The following SUGCT variants were observed in gnomAD, a reference collection of about 807,000 sequenced individuals.
The protein encoded by SUGCT is succinyl-CoA:glutarate CoA-transferase.
Under a neutral mutation model 55.0 loss-of-function variants are expected in SUGCT, and 41 were observed. The ratio of observed to expected loss-of-function variants is 0.74; its 90% CI spans 0.58 to 0.97. The LOEUF (loss-of-function observed/expected upper bound fraction) is 0.97. SUGCT is among the 50% of genes least tolerant of loss of function. The pLI, the probability that SUGCT is intolerant of heterozygous loss-of-function variation, is 0.00. For synonymous variants in SUGCT, 187 were observed against 200.4 expected, an observed-to-expected ratio of 0.93 and a Z score of 0.56; for missense variants, 568 against 547.8, an observed-to-expected ratio of 1.04 and a Z score of -0.37.
chr7:40,189,633 T>C, intron 5 of SUGCT, 39 bp downstream of exon 5: 1 of 1,186,182 alleles, frequency 8.4e-7, no homozygotes, highest in East Asian at 2.9e-5. Flanking sequence ...ACCACCTAGG[T>C]TATAATTAGG....
At chr7:40,691,742 C>G (rs1317402221) in intron 12 of SUGCT, among the ~76,000 whole-genome samples, 2 of 152,164 alleles carry the variant, frequency 1.3e-5, no homozygotes, top group Admixed American at 1.3e-4. Context: ...CTTGGATGAA[C>G]TCACCTAAAA....
chr7:40,139,188 CATA>C (rs1787859882), intron 1 of SUGCT, among the ~76,000 whole-genome samples: 1 of 150,162 alleles, frequency 6.7e-6, no homozygotes, highest in African/African-American at 2.5e-5. Flanking sequence ...ATCCAGGATT[CATA>C]ATATTAATTA....
At chr7:40,215,539 A>C (rs868770870) in intron 6 of SUGCT, among the ~76,000 whole-genome samples, 3 of 152,148 alleles carry the variant, frequency 2.0e-5, no homozygotes, top group African/African-American at 7.2e-5. Context: ...TTTACTTCTT[A>C]TCAAATACAA....
intron 13 of SUGCT, among the ~76,000 whole-genome samples, chr7:40,771,194 A>C (rs1168622534): frequency 6.6e-6 from 1 of 152,206 alleles, no homozygotes; most frequent in Non-Finnish European, 1.5e-5. Flanking sequence ...TACACATAGC[A>C]AAACATACTT....
At chr7:41,019,523 G>A in the SUGCT span, among the ~76,000 whole-genome samples, 7 of 152,200 alleles carry the variant, frequency 4.6e-5, no homozygotes, top group African/African-American at 7.2e-5. Context: ...AGCAGCTGCC[G>A]TCATGTTGTT....
intron 12 of SUGCT, among the ~76,000 whole-genome samples, chr7:40,585,313 G>A (rs1019552915): frequency 6.6e-6 from 1 of 152,098 alleles, no homozygotes; most frequent in African/African-American, 2.4e-5. Context: ...GGCTTTTTAA[G>A]GTATATTCTG....
intron 13 of SUGCT, among the ~76,000 whole-genome samples, chr7:40,815,665 T>G (rs1791634373): frequency 6.6e-6 from 1 of 151,788 alleles, no homozygotes; most frequent in Non-Finnish European, 1.5e-5. Context: ...ATAGGAAGGG[T>G]GGGGTAGTTC....
intron 13 of SUGCT, among the ~76,000 whole-genome samples, chr7:40,851,034 C>T (rs1208889696): frequency 6.6e-6 from 1 of 152,102 alleles, no homozygotes; most frequent in Non-Finnish European, 1.5e-5. Flanking sequence ...CACTTTATAC[C>T]AGTGTCATGC....
the SUGCT span, among the ~76,000 whole-genome samples, chr7:41,033,317 C>G: frequency 6.6e-6 from 1 of 152,206 alleles, no homozygotes; most frequent in Non-Finnish European, 1.5e-5. Flanking sequence ...CCACTACCTG[C>G]TCTCTTACCA....
At chr7:40,524,363 T>C (rs969463703) in intron 12 of SUGCT, among the ~76,000 whole-genome samples, 2 of 152,144 alleles carry the variant, frequency 1.3e-5, no homozygotes, top group Non-Finnish European at 2.9e-5. Context: ...CTAGGACATC[T>C]TGTGTTTGCT....
At chr7:40,401,570 CTG>C (rs1786069094) in intron 9 of SUGCT, among the ~76,000 whole-genome samples, 1 of 152,176 alleles carries the variant, frequency 6.6e-6, no homozygotes, top group South Asian at 2.1e-4. Context: ...GTTAAGGACT[CTG>C]TATTCTCTGA....
chr7:40,384,748 T>C (rs1401026230), intron 9 of SUGCT, among the ~76,000 whole-genome samples: 1 of 48,836 alleles, frequency 2.0e-5, no homozygotes, highest in Admixed American at 2.8e-4. Context: ...TTTCAGCATG[T>C]TGGCCAGGCT....
intron 9 of SUGCT, among the ~76,000 whole-genome samples, chr7:40,317,092 G>C (rs1044621829): frequency 5.0e-4 from 75 of 151,188 alleles, no homozygotes; most frequent in African/African-American, 1.5e-3. Context: ...AAAGGAACTT[G>C]CTGAAAGTAA....
chr7:40,270,698 T>C (rs899752074), intron 7 of SUGCT, among the ~76,000 whole-genome samples: 1 of 152,200 alleles, frequency 6.6e-6, no homozygotes, highest in East Asian at 1.9e-4. Context: ...TATTTCCATA[T>C]GAATTTTTAG....
intron 8 of SUGCT, among the ~76,000 whole-genome samples, chr7:40,286,723 C>T (rs1245779206): frequency 2.6e-5 from 4 of 152,214 alleles, no homozygotes; most frequent in Non-Finnish European, 5.9e-5. Context: ...TTTCTTCATA[C>T]TCACGTGAAG....
chr7:40,429,122 GTT>G (rs57670997), intron 9 of SUGCT, among the ~76,000 whole-genome samples: 84 of 150,690 alleles, frequency 5.6e-4, no homozygotes, highest in African/African-American at 1.8e-3. Flanking sequence ...CATAATTACC[GTT>G]TTTTTTTTGT....
chr7:40,361,267 T>G (rs1183333351), intron 9 of SUGCT, among the ~76,000 whole-genome samples: 1 of 151,964 alleles, frequency 6.6e-6, no homozygotes, highest in East Asian at 1.9e-4. Context: ...CACAGGCAGC[T>G]CAGCCCTCAA....
chr7:40,873,781 C>T, the SUGCT span, among the ~76,000 whole-genome samples: 4 of 152,186 alleles, frequency 2.6e-5, no homozygotes, highest in Non-Finnish European at 5.9e-5. Flanking sequence ...AGGTACTCAA[C>T]ATCAAGGAAC....
At chr7:40,432,177 A>T (rs959139134) in intron 9 of SUGCT, among the ~76,000 whole-genome samples, 1 of 152,134 alleles carries the variant, frequency 6.6e-6, no homozygotes, top group African/African-American at 2.4e-5. Context: ...AAGTGAAGTG[A>T]CTTTTATTAT....
Sources: gnomAD v4.1 joint callset for allele counts (sites outside exome capture counted in the v4.1 genomes callset) on GRCh38, gnomAD v4.1.1 for gene constraint, MANE v1.5 for transcripts, NCBI Gene and HGNC (gene_info 2026-07-23, HGNC 2026-07-21) for gene names.